The following LARP1 variants were observed in gnomAD, a reference collection of about 807,000 sequenced individuals.
The protein encoded by LARP1 is la-related protein 1.
Under a neutral mutation model 122.7 loss-of-function variants are expected in LARP1, and 36 were observed. That is an observed-to-expected ratio of 0.29 (90% CI 0.22 to 0.39). LARP1 has a LOEUF of 0.39. LARP1 is among the 10% of genes least tolerant of loss of function. LARP1 has a pLI of 1.00. For synonymous variants in LARP1, 539 were observed against 528.7 expected (o/e 1.02, Z -0.27); for missense variants, 1,040 against 1,403.6 (o/e 0.74, Z 4.14).
chr5:154,728,732 G>A (rs1420840404), intron 1 of LARP1, among the ~76,000 whole-genome samples: 1 of 152,154 alleles, frequency 6.6e-6, no homozygotes, highest in Non-Finnish European at 1.5e-5. Context: ...CTAATAAGAA[G>A]GAAAGAGAAC....
chr5:154,794,067 T>C (rs1322892044), intron 6 of LARP1, 33 bp from the exon 7 acceptor site: 1 of 1,612,700 alleles, frequency 6.2e-7, no homozygotes, highest in Non-Finnish European at 8.5e-7. Flanking sequence ...GGCAGGAATC[T>C]CCTCTCCCTC....
chr5:154,719,795 G>A (rs1755744041), intron 1 of LARP1, among the ~76,000 whole-genome samples: 1 of 150,898 alleles, frequency 6.6e-6, no homozygotes, highest in Non-Finnish European at 1.5e-5. Flanking sequence ...CCAGGAGGCA[G>A]AGGTTGCAGT....
At chr5:154,685,282 C>T (rs1328819098) in intron 1 of LARP1, among the ~76,000 whole-genome samples, 2 of 151,968 alleles carry the variant, frequency 1.3e-5, no homozygotes, top group African/African-American at 4.8e-5. Context: ...TTAATGTGGC[C>T]TTCTGAGCCA....
In LARP1 at chr5:154,793,835, C is replaced by A. The variant is rs777536348; in HGVS notation, c.904C>A (p.Pro302Thr). 5.6e-6 allele frequency: 9 copies of A among 1,614,182 alleles called. No homozygotes were observed. In the South Asian group the frequency reaches 7.7e-5, roughly 14 times the overall value. ...TGCCACCTACGTGCCCGTGGCCCCCCCCACCCCAGCCTGGCAACCAGAGAT... is the reference window on the plus strand; with the variant it reads ...TGCCACCTACGTGCCCGTGGCCCCCACCACCCCAGCCTGGCAACCAGAGAT... ...ESATYVPVAPPTPAWQPEIKP... is the reference protein window; with the variant it reads ...ESATYVPVAPTTPAWQPEIKP... The change falls in exon 6 of 19, where the codon CCC becomes ACC. Residue 302 changes from proline to threonine, a missense_variant. Physicochemically the swap from Pro to Thr is conservative, Grantham distance 38. Coordinates refer to ENST00000518297, the MANE Select transcript of LARP1 (RefSeq NM_033551.3).
At chr5:154,788,714 A>C (rs1757083400) in intron 1 of LARP1, among the ~76,000 whole-genome samples, 1 of 152,032 alleles carries the variant, frequency 6.6e-6, no homozygotes, top group Non-Finnish European at 1.5e-5. Context: ...TGGATGTAGA[A>C]GGGACTGGAC....
At chr5:154,726,028 C>CA (rs10626169) in intron 1 of LARP1, among the ~76,000 whole-genome samples, 3,104 of 151,786 alleles carry the variant, frequency 0.02, 102 homozygotes, top group African/African-American at 0.07. Context: ...TTAGTAGAGA[C>CA]GGGTTATCTC....
chr5:154,700,907 C>T (rs1446525742), intron 1 of LARP1, among the ~76,000 whole-genome samples: 4 of 151,454 alleles, frequency 2.6e-5, no homozygotes, highest in Non-Finnish European at 4.4e-5. Context: ...CAGTGGGAGC[C>T]GAAATCACGC....
chr5:154,812,525 CT>C (rs763157777), intron 18 of LARP1, among the ~76,000 whole-genome samples: 2,532 of 101,670 alleles, frequency 0.025, 83 homozygotes, highest in African/African-American at 0.086. Flanking sequence ...CCCACCCCCC[CT>C]TTTTTTTTTT....
At position 154,792,742 on chromosome 5, in the gene LARP1, G is replaced by T; in HGVS notation, c.685G>T (p.Gly229Trp). 6.2e-7 allele frequency: 1 copy of T among 1,614,160 alleles called. No individual in the cohort carries two copies. The highest frequency in any genetic ancestry group is 1.1e-5 in the South Asian group (1 of 91,080). The change falls in exon 4 of 19, where the codon GGG becomes TGG. Residue 229 changes from glycine (G) to tryptophan (W), a missense_variant. Gly to Trp is a radical substitution (Grantham distance 184). Around this residue, in one of 8 missense-constraint regions of LARP1, gnomAD observed 257 missense variants for 273.3 expected, o/e 0.94. Transcript: ENST00000518297. ...ESPKTKSDES[G>W]EEKNGDEDCQ... ...TCCAAAAACCAAATCAGATGAATCA[G>T]GGGAGGAAAAGAATGGAGATGAGGA...
At chr5:154,701,644 C>T (rs1754718847) in intron 1 of LARP1, among the ~76,000 whole-genome samples, 1 of 142,812 alleles carries the variant, frequency 7.0e-6, no homozygotes, top group South Asian at 2.2e-4. Flanking sequence ...TTTTTTGAGA[C>T]AGAGTCTCGC....
chr5:154,763,823 T>C (rs894367317), intron 1 of LARP1, among the ~76,000 whole-genome samples: 2 of 150,404 alleles, frequency 1.3e-5, no homozygotes, highest in African/African-American at 4.9e-5. Flanking sequence ...CTGGGTAACA[T>C]AGGGATACCC....
At chr5:154,797,228 T>G (rs1354619802) in intron 8 of LARP1, among the ~76,000 whole-genome samples, 4 of 105,386 alleles carry the variant, frequency 3.8e-5, no homozygotes, top group African/African-American at 1.6e-4. Flanking sequence ...GTTGTTTTTT[T>G]TTTTTTTTTT....
At chr5:154,702,639 G>C (rs1428912111) in intron 1 of LARP1, among the ~76,000 whole-genome samples, 3 of 152,034 alleles carry the variant, frequency 2.0e-5, no homozygotes, top group Non-Finnish European at 2.9e-5. Context: ...GGCATTGATA[G>C]CAACAACTCT....
chr5:154,790,798 T>TA, intron 3 of LARP1, 88 bp downstream of exon 3: 2 of 1,145,628 alleles, frequency 1.7e-6, no homozygotes, highest in Non-Finnish European at 1.3e-6. Context: ...CCTCAGCTCT[T>TA]ACCTTTCTCA....
intron 1 of LARP1, among the ~76,000 whole-genome samples, chr5:154,727,800 A>C (rs1582219460): frequency 6.6e-6 from 1 of 152,118 alleles, no homozygotes; most frequent in South Asian, 2.1e-4. Context: ...AAATAAAAGA[A>C]ATCTTGCCTG....
chr5:154,802,208 G>A lies in LARP1; in HGVS notation c.1918G>A (p.Val640Ile). 6.2e-7 allele frequency: 1 copy of A among 1,614,188 alleles called. No individual in the cohort carries two copies. Among genetic ancestry groups the A allele is most frequent in the South Asian group, 1.1e-5 (1 of 91,086 alleles). Residue 640 changes from valine to isoleucine, a missense_variant, in exon 11 of 19, where the codon GTC becomes ATC. Val to Ile is a conservative substitution (Grantham distance 29). This residue lies in a region of LARP1 where 362 missense variants were observed against 533.1 expected (regional missense o/e 0.68). Transcript: ENST00000518297. The surrounding 1 kb of genome is among the most constrained non-coding windows in gnomAD (Gnocchi z 5.1). ...ESDYEIDDRD[V>I]NKILIVTQTP... The stretch of plus-strand genomic sequence containing the variant: ...TGACTATGAGATTGATGACAGGGAT[G>A]TCAACAAGATCCTCATTGTCACCCA...
chr5:154,722,834 C>A (rs772677394), intron 1 of LARP1, among the ~76,000 whole-genome samples: 2 of 152,088 alleles, frequency 1.3e-5, no homozygotes, highest in African/African-American at 2.4e-5. Context: ...GTGCGTACCA[C>A]CATGCCCAGC....
intron 8 of LARP1, among the ~76,000 whole-genome samples, chr5:154,796,033 T>C (rs1285762722): frequency 8.9e-6 from 1 of 111,834 alleles, no homozygotes; most frequent in African/African-American, 3.6e-5. Flanking sequence ...TATATATTTT[T>C]ATATATATTA....
intron 1 of LARP1, among the ~76,000 whole-genome samples, chr5:154,737,190 A>G (rs1466649985): frequency 6.6e-6 from 1 of 151,054 alleles, no homozygotes; most frequent in Non-Finnish European, 1.5e-5. Flanking sequence ...ACAGGCGTGC[A>G]CCACCACACC....
Sources: gnomAD v4.1 joint callset for allele counts (sites outside exome capture counted in the v4.1 genomes callset) on GRCh38, gnomAD v4.1.1 for gene constraint, gnomAD v4.1.1 regional missense constraint, Gnocchi (gnomAD v3.1) non-coding constraint, MANE v1.5 for transcripts, NCBI Gene and HGNC (gene_info 2026-07-23, HGNC 2026-07-21) for gene names.